The following MYL1 variants were observed in gnomAD, a reference collection of about 807,000 sequenced individuals.
MYL1 encodes the protein myosin light chain 1/3, skeletal muscle isoform.
In MYL1, 16 loss-of-function variants were observed where a neutral mutation model predicts 21.8. The ratio of observed to expected loss-of-function variants is 0.74; its 90% CI spans 0.50 to 1.12. The LOEUF is 1.12. Among genes scored for constraint, MYL1 ranks in the 50% most tolerant of loss-of-function variants. The pLI is 0.00. For missense variants in MYL1, 246 were observed against 241.0 expected (o/e 1.02, Z -0.14); for synonymous variants, 99 against 85.2 (o/e 1.16, Z -0.89).
At chr2:210,302,424 T>C in intron 2 of MYL1, 64 bp downstream of exon 2, 1 of 1,476,142 alleles carries the variant, frequency 6.8e-7, no homozygotes, top group Non-Finnish European at 9.2e-7. Context: ...CCCAAGGGAG[T>C]TGGTTTTCAC....
chr2:210,293,017 T>C (rs1690104381), intron 5 of MYL1, among the ~76,000 whole-genome samples: 1 of 148,740 alleles, frequency 6.7e-6, no homozygotes, highest in African/African-American at 2.5e-5. Flanking sequence ...TCTCCTTTCT[T>C]CCCCTCTCAT....
intron 2 of MYL1, among the ~76,000 whole-genome samples, chr2:210,299,146 A>G (rs1360828616): frequency 1.3e-5 from 2 of 152,204 alleles, no homozygotes; most frequent in Non-Finnish European, 2.9e-5. Flanking sequence ...GTGTGACTCT[A>G]TTAGGCTCCT....
At chr2:210,300,353 A>G (rs1690245379) in intron 2 of MYL1, among the ~76,000 whole-genome samples, 1 of 152,136 alleles carries the variant, frequency 6.6e-6, no homozygotes. Context: ...AATTAATACC[A>G]GGGCTGGTTA....
intron 1 of MYL1, among the ~76,000 whole-genome samples, chr2:210,305,875 A>C (rs1303234013): frequency 6.6e-6 from 1 of 151,474 alleles, no homozygotes; most frequent in African/African-American, 2.4e-5. Flanking sequence ...AGCCTGACCA[A>C]TATGGAGAAA....
chr2:210,293,829 A>G (rs761420110), intron 4 of MYL1, 29 bp from the exon 5 acceptor site: 1 of 1,603,432 alleles, frequency 6.2e-7, no homozygotes, highest in African/African-American at 1.3e-5. Context: ...CCTTTCAGAA[A>G]GAAGGCCATG....
chr2:210,309,162 T>C (rs955838569), intron 1 of MYL1, among the ~76,000 whole-genome samples: 2 of 152,142 alleles, frequency 1.3e-5, no homozygotes, highest in African/African-American at 4.8e-5. Flanking sequence ...TTCTACAATG[T>C]TGTGAGTTTT....
intron 1 of MYL1, among the ~76,000 whole-genome samples, chr2:210,311,207 A>G (rs1008398865): frequency 2.0e-5 from 3 of 152,072 alleles, no homozygotes; most frequent in Non-Finnish European, 4.4e-5. Flanking sequence ...AACTGGATTT[A>G]TATTAGCTTT....
intron 2 of MYL1, among the ~76,000 whole-genome samples, chr2:210,302,024 T>C (rs1322284732): frequency 6.6e-6 from 1 of 152,140 alleles, no homozygotes; most frequent in African/African-American, 2.4e-5. Context: ...AATTCATTTT[T>C]GTTCTACAAC....
At chr2:210,302,910 AT>A in intron 1 of MYL1, 1 of 1,060,094 alleles carries the variant, frequency 9.4e-7, no homozygotes, top group Non-Finnish European at 1.4e-6. Context: ...GTGTCTTGGC[AT>A]TAGAAGGTTG....
At chr2:210,312,811 G>C (rs1466763000) in intron 1 of MYL1, among the ~76,000 whole-genome samples, 1 of 151,524 alleles carries the variant, frequency 6.6e-6, no homozygotes, top group Non-Finnish European at 1.5e-5. Context: ...CTCTTGTTCT[G>C]CAATGAAATA....
intron 2 of MYL1, among the ~76,000 whole-genome samples, chr2:210,301,796 G>T (rs1014312383): frequency 1.3e-5 from 2 of 152,038 alleles, no homozygotes; most frequent in African/African-American, 4.8e-5. Flanking sequence ...TTAAGAGTTT[G>T]GAGTCTCCTA....
intron 3 of MYL1, among the ~76,000 whole-genome samples, chr2:210,297,244 G>A (rs892688801): frequency 2.6e-5 from 4 of 151,682 alleles, no homozygotes; most frequent in Non-Finnish European, 4.4e-5. Context: ...TTGATAAACC[G>A]TACTATTTTC....
intron 1 of MYL1, chr2:210,303,422 G>T: frequency 1.2e-6 from 1 of 805,996 alleles, no homozygotes; most frequent in Non-Finnish European, 1.9e-6. Context: ...AGATACTAAA[G>T]ACTCATATTG....
rs755055452 is a variant in MYL1 at position 210,293,742 on chromosome 2, A to G, written c.537T>C (p.Asn179=). Residue 179 remains asparagine, a synonymous_variant, in exon 5 of 7, where the codon AAT becomes AAC. Coordinates refer to ENST00000352451, the MANE Select transcript of MYL1 (RefSeq NM_079420.3). ...EALMAGQEDS[N]GCINYEAFVK... is the part of the protein sequence containing the mutation. ...TTCTACCTTCGTAGTTGATGCAGCC[A>G]TTGGAGTCTTCTTGACCTGCCATCA... The G allele has an allele frequency of 1.5e-5, 24 of 1,613,918 alleles. No individual in the cohort carries two copies. Among genetic ancestry groups the G allele is most frequent in the Non-Finnish European group, 1.9e-5 (23 of 1,179,922 alleles).
At chr2:210,302,553 CA>C (rs1480285639) in intron 1 of MYL1, 38 bp from the exon 2 acceptor site, 1 of 1,595,582 alleles carries the variant, frequency 6.3e-7, no homozygotes, top group Non-Finnish European at 8.5e-7. Flanking sequence ...ATGTTTTAAC[CA>C]AACAAAAATG....
intron 6 of MYL1, 140 bp from the exon 7 acceptor site, chr2:210,290,607 G>C (rs1559657969): frequency 6.5e-6 from 1 of 152,834 alleles, no homozygotes; most frequent in African/African-American, 2.4e-5. Context: ...ATTCCTAGTT[G>C]TAAGAACCTG....
At chr2:210,302,350 T>G (rs1288329742) in intron 2 of MYL1, 138 bp downstream of exon 2, 1 of 685,740 alleles carries the variant, frequency 1.5e-6, no homozygotes, top group Admixed American at 3.8e-5. Context: ...TTTAGAGTGA[T>G]CGAGAGCAAT....
chr2:210,305,221 A>G (rs1690321081), intron 1 of MYL1, among the ~76,000 whole-genome samples: 1 of 152,216 alleles, frequency 6.6e-6, no homozygotes, highest in Non-Finnish European at 1.5e-5. Context: ...CTAAGTTTAT[A>G]AGTAGGAAAA....
intron 2 of MYL1, among the ~76,000 whole-genome samples, chr2:210,301,048 C>T (rs976299189): frequency 6.6e-6 from 1 of 152,100 alleles, no homozygotes; most frequent in African/African-American, 2.4e-5. Context: ...GTTTAATGCT[C>T]AACGTTAAAT....
Sources: allele counts gnomAD v4.1 joint callset (sites outside exome capture counted in the v4.1 genomes callset), GRCh38; gene constraint gnomAD v4.1.1; transcripts MANE v1.5; gene names NCBI Gene and HGNC (gene_info 2026-07-23, HGNC 2026-07-21).